The following XYLT1 variants were observed in gnomAD, a reference collection of about 807,000 sequenced individuals.
XYLT1 encodes beta-D-xylosyltransferase 1.
In XYLT1, 36 loss-of-function variants were observed where a neutral mutation model predicts 91.3. The observed-to-expected ratio is 0.39, with a 90% CI of 0.30 to 0.52. The LOEUF (loss-of-function observed/expected upper bound fraction) is 0.52. XYLT1 is among the 20% of genes least tolerant of loss of function. XYLT1 has a pLI of 0.68. For missense variants in XYLT1, 1,242 were observed against 1,284.5 expected (o/e 0.97, Z 0.51); for synonymous variants, 588 against 532.0 (o/e 1.11, Z -1.45).
intron 9 of XYLT1, among the ~76,000 whole-genome samples, chr16:17,130,865 C>G (rs1165409386): frequency 9.6e-6 from 1 of 104,388 alleles, no homozygotes; most frequent in Non-Finnish European, 1.9e-5. Flanking sequence ...GTCCACAAAG[C>G]CCTACCGCTT....
At chr16:17,299,486 A>C (rs2034362309) in intron 2 of XYLT1, among the ~76,000 whole-genome samples, 1 of 152,228 alleles carries the variant, frequency 6.6e-6, no homozygotes, top group African/African-American at 2.4e-5. Flanking sequence ...TTAATTACTC[A>C]GATGATATTA....
intron 3 of XYLT1, among the ~76,000 whole-genome samples, chr16:17,209,842 G>C (rs1310130242): frequency 1.3e-5 from 2 of 152,238 alleles, no homozygotes; most frequent in African/African-American, 4.8e-5. Context: ...CATGGCTGGA[G>C]AGTGTTTAAC....
chr16:17,344,830 A>G (rs2035121268), intron 2 of XYLT1, among the ~76,000 whole-genome samples: 1 of 151,708 alleles, frequency 6.6e-6, no homozygotes, highest in Admixed American at 6.6e-5. Flanking sequence ...CCTCCCGAGT[A>G]GCTGGGACTA....
At chr16:17,335,393 A>G (rs1250958395) in intron 2 of XYLT1, among the ~76,000 whole-genome samples, 1 of 152,104 alleles carries the variant, frequency 6.6e-6, no homozygotes, top group East Asian at 1.9e-4. Flanking sequence ...CGCAGCCCAG[A>G]ACACAGGAAG....
At chr16:17,376,132 G>A (rs543105464) in intron 1 of XYLT1, among the ~76,000 whole-genome samples, 2 of 152,368 alleles carry the variant, frequency 1.3e-5, no homozygotes, top group African/African-American at 4.8e-5. Context: ...ACGACCTGGT[G>A]GCAGTGGTTC....
At chr16:17,357,194 A>C (rs977973398) in intron 2 of XYLT1, among the ~76,000 whole-genome samples, 11 of 149,060 alleles carry the variant, frequency 7.4e-5, no homozygotes, top group Non-Finnish European at 1.5e-4. Flanking sequence ...AAAAAAAAAA[A>C]AAAAACGCTA....
In XYLT1 at chr16:17,259,071, C is replaced by A. The variant is rs751753807; in HGVS notation, c.830G>T (p.Arg277Leu). The A allele has an allele frequency of 8.5e-6, 13 of 1,526,220 alleles. No individual in the cohort carries two copies. Among genetic ancestry groups the A allele is most frequent in the African/African-American group, 1.4e-5 (1 of 71,844 alleles). 94.5% of individuals were successfully genotyped at this position (1,526,220 alleles called of 1,614,324 possible). A position where few individuals can be genotyped will look rare whatever the true frequency, so the allele number is the denominator to read the frequency against. ...GCAGTAAGTCTCCCCAATCTCCTGG[C>A]GGCAGTGCTTGGACTTAGCACGGGA... ...ALSRAKSKHC[R>L]QEIGETYCRH... Residue 277 changes from arginine (R) to leucine (L), a missense_variant, in exon 3 of 12, where the codon CGC becomes CTC. By Grantham distance (102) the Arg-to-Leu change is moderately radical (BLOSUM62 -2). Around this residue, in one of 3 missense-constraint regions of XYLT1, gnomAD observed 437 missense variants for 411.5 expected, o/e 1.06. Coordinates refer to ENST00000261381, the MANE Select transcript of XYLT1 (RefSeq NM_022166.4).
chr16:17,349,917 A>G (rs573500725), intron 2 of XYLT1, among the ~76,000 whole-genome samples: 1 of 152,006 alleles, frequency 6.6e-6, no homozygotes, highest in African/African-American at 2.4e-5. Flanking sequence ...TCTGTTGCCC[A>G]GGCTGGAGTG....
At chr16:17,208,793 C>T (rs1597193256) in intron 3 of XYLT1, among the ~76,000 whole-genome samples, 1 of 152,218 alleles carries the variant, frequency 6.6e-6, no homozygotes, top group East Asian at 1.9e-4. Context: ...GGCACAATCT[C>T]GGCTCACTGC....
chr16:17,342,198 A>C (rs1321999517), intron 2 of XYLT1, among the ~76,000 whole-genome samples: 3 of 152,158 alleles, frequency 2.0e-5, no homozygotes, highest in African/African-American at 7.2e-5. Context: ...GGCAACCAAC[A>C]CACCAACCAC....
intron 1 of XYLT1, among the ~76,000 whole-genome samples, chr16:17,405,255 G>A (rs975686552): frequency 2.0e-5 from 3 of 152,150 alleles, no homozygotes; most frequent in African/African-American, 4.8e-5. Flanking sequence ...CCCTGCGTCC[G>A]CTCCAGCCCT....
chr16:17,449,080 T>C (rs750765847), intron 1 of XYLT1, among the ~76,000 whole-genome samples: 13 of 152,176 alleles, frequency 8.5e-5, no homozygotes, highest in Middle Eastern at 3.2e-3. Context: ...AAGTGGCATA[T>C]AAGTGTCATG....
chr16:17,377,070 A>G (rs1247990693), intron 1 of XYLT1, among the ~76,000 whole-genome samples: 3 of 150,072 alleles, frequency 2.0e-5, no homozygotes, highest in Non-Finnish European at 4.4e-5. Context: ...TCAGCTCCTC[A>G]GGAGGCTGAG....
At chr16:17,148,226 G>A (rs16968501) in intron 6 of XYLT1, among the ~76,000 whole-genome samples, 1,808 of 152,268 alleles carry the variant, frequency 0.012, 40 homozygotes, top group African/African-American at 0.04. Flanking sequence ...AGTAAGCGCT[G>A]TTCACCCAAG....
chr16:17,440,355 C>T (rs746837343), intron 1 of XYLT1, among the ~76,000 whole-genome samples: 1 of 152,234 alleles, frequency 6.6e-6, no homozygotes, highest in Non-Finnish European at 1.5e-5. Flanking sequence ...ACGCTGCTTG[C>T]TCACCCATAC....
chr16:17,357,430 C>T (rs989405036), intron 2 of XYLT1, among the ~76,000 whole-genome samples: 23 of 152,312 alleles, frequency 1.5e-4, no homozygotes, highest in African/African-American at 5.5e-4. Flanking sequence ...ATAGCTGCTG[C>T]ACTGTCCTAG....
At chr16:17,235,755 A>G (rs139924908) in intron 3 of XYLT1, among the ~76,000 whole-genome samples, 2 of 152,288 alleles carry the variant, frequency 1.3e-5, no homozygotes, top group South Asian at 2.1e-4. Flanking sequence ...CGTGTTGGTA[A>G]ATTTGCACCT....
At chr16:17,148,209 A>G (rs2031187778) in intron 6 of XYLT1, among the ~76,000 whole-genome samples, 1 of 152,184 alleles carries the variant, frequency 6.6e-6, no homozygotes, top group African/African-American at 2.4e-5. Flanking sequence ...GGCCTTGCAA[A>G]GTGTTTAGTA....
At chr16:17,207,052 CT>C (rs1211378641) in intron 3 of XYLT1, among the ~76,000 whole-genome samples, 162 of 121,064 alleles carry the variant, frequency 1.3e-3, no homozygotes, top group Middle Eastern at 4.7e-3. Flanking sequence ...TCTTTTCTTT[CT>C]TTTTTTTTTT....
Sources: allele counts gnomAD v4.1 joint callset (sites outside exome capture counted in the v4.1 genomes callset), GRCh38; gene constraint gnomAD v4.1.1; regional missense constraint gnomAD v4.1.1; transcripts MANE v1.5; gene names NCBI Gene and HGNC (gene_info 2026-07-23, HGNC 2026-07-21).